Variants in ZNF888 observed in about 807,000 individuals in gnomAD.
ZNF888 encodes the protein zinc finger protein 888.
ZNF888 carries 5 observed loss-of-function variants against 7.2 expected under a neutral mutation model. The observed-to-expected ratio is 0.70, with a 90% CI of 0.36 to 1.46. The LOEUF (loss-of-function observed/expected upper bound fraction) is 1.46, where lower values mean the gene tolerates loss of function less well. Ranked by LOEUF, ZNF888 falls within the 40% of genes most tolerant of loss-of-function variation. The pLI, the probability that ZNF888 is intolerant of heterozygous loss-of-function variation, is 0.03. For missense variants in ZNF888, 716 were observed against 858.0 expected, an observed-to-expected ratio of 0.83 and a Z score of 2.07; for synonymous variants, 240 against 284.3, an observed-to-expected ratio of 0.84 and a Z score of 1.57.
At position 52,907,932 on chromosome 19, in the gene ZNF888, A is replaced by T; in HGVS notation, c.390T>A (p.Ala130=). The change falls in exon 5 of 5, where the codon GCT becomes GCA. Residue 130 remains alanine (A), a synonymous_variant. Coordinates refer to ENST00000638862, the MANE Select transcript of ZNF888 (RefSeq NM_001393938.1). ...GSTDQYDQRH[A]GNKPIKYQLG... is the part of the protein sequence containing the mutation. Reference sequence around the variant, plus strand: ...GCTGATATTTAATAGGCTTGTTTCCAGCATGCCTTTGATCATATTGGTCTG... The same window carrying T: ...GCTGATATTTAATAGGCTTGTTTCCTGCATGCCTTTGATCATATTGGTCTG... 1 of 1,614,152 alleles carries T rather than the reference A, an allele frequency of 6.2e-7. No individual in the cohort carries two copies. Among genetic ancestry groups the T allele is most frequent in the Non-Finnish European group, 8.5e-7 (1 of 1,180,022 alleles).
At position 52,911,768 on chromosome 19, in the gene ZNF888, T is replaced by G. The variant is rs1397986711; in HGVS notation, c.142+3428A>C. Among the ~76,000 whole-genome samples the G allele has an allele frequency of 7.9e-5, 12 of 152,312 alleles. No individual in the cohort carries two copies. The South Asian group carries it at 2.5e-3, about 32-fold the overall frequency. Reference sequence around the variant, plus strand: ...AGTTAAGAGCCTGTGCTGTAAGACTTGCAATAAATGAAGTCATCTAATAGC... The same window carrying G: ...AGTTAAGAGCCTGTGCTGTAAGACTGGCAATAAATGAAGTCATCTAATAGC... On this transcript the variant is annotated intron_variant, in intron 4 of 4. Coordinates refer to ENST00000638862, the MANE Select transcript of ZNF888 (RefSeq NM_001393938.1).
chr19:52,922,277 C>A (rs551638140), intron 1 of ZNF888, among the ~76,000 whole-genome samples: 4 of 152,252 alleles, frequency 2.6e-5, no homozygotes, highest in South Asian at 2.1e-4. Flanking sequence ...CTCTCCTGAG[C>A]TCTCCCTGTT....
At chr19:52,909,439 G>C (rs920458910) in intron 4 of ZNF888, among the ~76,000 whole-genome samples, 6 of 151,322 alleles carry the variant, frequency 4.0e-5, no homozygotes. Flanking sequence ...GTAGAGATGG[G>C]GTTTCACCAC....
At chr19:52,909,137 T>C (rs562353504) in intron 4 of ZNF888, among the ~76,000 whole-genome samples, 21,421 of 150,892 alleles carry the variant, frequency 0.14, 2,719 homozygotes, top group African/African-American at 0.34. Flanking sequence ...AAAGTGAGAC[T>C]CCATCTCAAA....
In ZNF888 at chr19:52,907,756, T is replaced by C. The variant is rs2064628857; in HGVS notation, c.566A>G (p.Asn189Ser). ...ATGGAAGAAATTATTCCCATAGTTA[T>C]TAGAAATATGGGTTTTGGGCCTACA... ...ISCRPKTHIS[N>S]NYGNNFFHSS... Residue 189 changes from asparagine to serine, a missense_variant, in exon 5 of 5, where the codon AAT (asparagine) becomes AGT (serine). Coordinates refer to ENST00000638862, the MANE Select transcript of ZNF888 (RefSeq NM_001393938.1). The C allele has an allele frequency of 8.1e-6, 13 of 1,613,944 alleles. No homozygotes were observed. The South Asian group carries it at 1.3e-4, about 16-fold the overall frequency.
intron 3 of ZNF888, 146 bp downstream of exon 3, chr19:52,917,713 G>A (rs2064767834): frequency 4.9e-6 from 7 of 1,442,624 alleles, no homozygotes; most frequent in Non-Finnish European, 4.8e-6. Flanking sequence ...ATCTAGGTGA[G>A]ATGAGAGGGA....
intron 2 of ZNF888, 101 bp from the exon 3 acceptor site, chr19:52,918,032 C>T: frequency 6.7e-7 from 1 of 1,482,200 alleles, no homozygotes; most frequent in Admixed American, 2.3e-5. Flanking sequence ...GGAGACCTCA[C>T]CCTGGGAAAT....
At chr19:52,911,827 A>AT (rs1253349258) in intron 4 of ZNF888, among the ~76,000 whole-genome samples, 4 of 150,040 alleles carry the variant, frequency 2.7e-5, no homozygotes, top group African/African-American at 7.4e-5. Flanking sequence ...ATTTATTTTT[A>AT]TTTTTTTAAG....
intron 1 of ZNF888, among the ~76,000 whole-genome samples, chr19:52,922,886 G>A (rs890021377): frequency 1.9e-4 from 28 of 149,598 alleles, no homozygotes; most frequent in Non-Finnish European, 3.3e-4. Flanking sequence ...GACTTGGGGA[G>A]CAACAGGGCC....
At position 52,906,797 on chromosome 19, in the gene ZNF888, G is replaced by A. The variant is rs2064614298; in HGVS notation, c.1525C>T (p.Leu509=). 1.9e-6 allele frequency: 3 copies of A among 1,611,722 alleles called. No homozygotes were observed. In the South Asian group the frequency reaches 3.3e-5, roughly 18 times the overall value. Residue 509 remains leucine, a synonymous_variant, in exon 5 of 5, where the codon CTG becomes TTG. Transcript: ENST00000638862. ...GTGTGAATTACAGTATGTTGTGCCAGGTGTGAATCACGTCTGAAAGCCTTG... is the reference window on the plus strand; with the variant it reads ...GTGTGAATTACAGTATGTTGTGCCAAGTGTGAATCACGTCTGAAAGCCTTG... ...CDKAFRRDSH[L]AQHTVIHTGE...
intron 1 of ZNF888, among the ~76,000 whole-genome samples, chr19:52,922,458 T>C (rs996780419): frequency 1.5e-4 from 23 of 152,198 alleles, no homozygotes; most frequent in South Asian, 2.1e-4. Context: ...TCATGAGCCT[T>C]TCTGTTTGCT....
At chr19:52,921,306 T>C (rs534639178) in intron 1 of ZNF888, among the ~76,000 whole-genome samples, 13 of 152,182 alleles carry the variant, frequency 8.5e-5, no homozygotes, top group Non-Finnish European at 1.9e-4. Flanking sequence ...AGTGAGGAGA[T>C]GGGCTTTTGT....
At chr19:52,922,908 G>A (rs1031098122) in intron 1 of ZNF888, among the ~76,000 whole-genome samples, 20 of 104,416 alleles carry the variant, frequency 1.9e-4, no homozygotes, top group Admixed American at 1.3e-3. Flanking sequence ...GGCATGAGGA[G>A]GGAGGTGGGG....
chr19:52,922,766 C>T (rs563164470), intron 1 of ZNF888, among the ~76,000 whole-genome samples: 4 of 152,310 alleles, frequency 2.6e-5, no homozygotes, highest in African/African-American at 9.6e-5. Context: ...CCCAGAGAAG[C>T]GCATTTTCCA....
intron 4 of ZNF888, among the ~76,000 whole-genome samples, chr19:52,913,521 C>G (rs10418115): frequency 0.013 from 1,996 of 152,114 alleles, 39 homozygotes; most frequent in African/African-American, 0.046. Flanking sequence ...GATGAAGTTT[C>G]AGCATGTTAG....
chr19:52,910,459 C>T (rs968469386), intron 4 of ZNF888, among the ~76,000 whole-genome samples: 7 of 151,948 alleles, frequency 4.6e-5, no homozygotes, highest in South Asian at 2.1e-4. Context: ...TGAGAGAATG[C>T]GACTACATCT....
At position 52,905,788 on chromosome 19, in the gene ZNF888, A is replaced by G. The variant is rs116225408; in HGVS notation, c.*377T>C. 872 of 624,258 alleles carry G rather than the reference A, an allele frequency of 1.4e-3. 11 individuals are homozygous for G. Among genetic ancestry groups the G allele is most frequent in the African/African-American group, 0.013 (738 of 58,526 alleles). The allele number at this position is 624,258 out of a possible 1,614,324, so 38.7% of individuals were successfully genotyped here. On this transcript the variant is annotated 3_prime_UTR_variant, in exon 5 of 5. Transcript: ENST00000638862. ...AAAAATAAATTTTCTGATATTCTGC[A>G]AGGAGTGATCTCAGACTGAAGACCT...
intron 1 of ZNF888, among the ~76,000 whole-genome samples, chr19:52,922,997 T>A (rs900962986): frequency 2.0e-5 from 3 of 151,880 alleles, no homozygotes; most frequent in African/African-American, 7.3e-5. Context: ...CCTGGGACTG[T>A]GGTGTCAGCG....
intron 4 of ZNF888, among the ~76,000 whole-genome samples, chr19:52,912,412 C>T: frequency 6.6e-6 from 1 of 151,420 alleles, no homozygotes; most frequent in East Asian, 2.0e-4. Flanking sequence ...CGTGCCTGGC[C>T]AGCAATAACA....
Sources: gnomAD v4.1 joint callset for allele counts (sites outside exome capture counted in the v4.1 genomes callset) on GRCh38, gnomAD v4.1.1 for gene constraint, MANE v1.5 for transcripts, NCBI Gene and HGNC (gene_info 2026-07-23, HGNC 2026-07-21) for gene names.